PRDM16: variants seen among roughly 807,000 people sequenced by gnomAD.
PRDM16 encodes the protein histone-lysine N-methyltransferase PRDM16.
Under a neutral mutation model 110.6 loss-of-function variants are expected in PRDM16, and 23 were observed. The observed-to-expected ratio is 0.21, with a 90% CI of 0.15 to 0.29. PRDM16 has a LOEUF of 0.29. Among genes scored for constraint, PRDM16 ranks in the 10% least tolerant of loss-of-function variants. The pLI, the probability that PRDM16 is intolerant of heterozygous loss-of-function variation, is 1.00. For missense variants in PRDM16, 1,615 were observed against 1,794.3 expected (o/e 0.90, Z 1.81); for synonymous variants, 799 against 781.8 (o/e 1.02, Z -0.37).
At chr1:3,198,170 C>T (rs930537619) in intron 2 of PRDM16, among the ~76,000 whole-genome samples, 6 of 152,174 alleles carry the variant, frequency 3.9e-5, no homozygotes, top group South Asian at 4.1e-4. Flanking sequence ...GCACTCCATG[C>T]GTTCTCTGGA....
intron 3 of PRDM16, among the ~76,000 whole-genome samples, chr1:3,375,184 G>C (rs1052857097): frequency 3.3e-5 from 5 of 152,202 alleles, no homozygotes; most frequent in African/African-American, 1.2e-4. Context: ...GGGAGGGCCT[G>C]TGTGACTCAG....
intron 3 of PRDM16, among the ~76,000 whole-genome samples, chr1:3,288,892 C>T (rs1640913389): frequency 6.6e-6 from 1 of 152,200 alleles, no homozygotes; most frequent in Admixed American, 6.5e-5. Context: ...TCTCCTCCCA[C>T]ATTGACCAGT....
chr1:3,139,349 C>T (rs955710100), intron 1 of PRDM16, among the ~76,000 whole-genome samples: 1 of 152,222 alleles, frequency 6.6e-6, no homozygotes, highest in African/African-American at 2.4e-5. Context: ...TGGGGCTGCC[C>T]TTTGGGACCC....
At chr1:3,321,203 C>T (rs959781008) in intron 3 of PRDM16, among the ~76,000 whole-genome samples, 1 of 151,998 alleles carries the variant, frequency 6.6e-6, no homozygotes, top group African/African-American at 2.4e-5. Flanking sequence ...AACTTAACCC[C>T]GGGTGGGCTG....
At chr1:3,326,852 C>T (rs1641924075) in intron 3 of PRDM16, among the ~76,000 whole-genome samples, 1 of 152,182 alleles carries the variant, frequency 6.6e-6, no homozygotes, top group South Asian at 2.1e-4. Context: ...AAGGTGGGCT[C>T]CTGCCCCCAC....
At chr1:3,381,621 C>T (rs1411578421) in intron 3 of PRDM16, among the ~76,000 whole-genome samples, 1 of 152,100 alleles carries the variant, frequency 6.6e-6, no homozygotes, top group Non-Finnish European at 1.5e-5. Context: ...GAACTCCTGA[C>T]CTCAGGTGAT....
At chr1:3,268,954 G>A (rs532124273) in intron 3 of PRDM16, among the ~76,000 whole-genome samples, 38 of 152,242 alleles carry the variant, frequency 2.5e-4, no homozygotes, top group Non-Finnish European at 5.0e-4. Context: ...TGACCTGGGG[G>A]TCCTTCCAAA....
chr1:3,313,464 C>G (rs186175093), intron 3 of PRDM16, among the ~76,000 whole-genome samples: 9 of 152,068 alleles, frequency 5.9e-5, no homozygotes, highest in Non-Finnish European at 1.3e-4. Flanking sequence ...GGGCAGTGTC[C>G]GAGGCTCTGC....
At chr1:3,185,128 A>C (rs1644252850) in intron 1 of PRDM16, among the ~76,000 whole-genome samples, 1 of 152,050 alleles carries the variant, frequency 6.6e-6, no homozygotes, top group Admixed American at 6.5e-5. Flanking sequence ...CACTGGGTGG[A>C]GGGCTTTGCT....
chr1:3,275,671 G>A (rs574546329), intron 3 of PRDM16, among the ~76,000 whole-genome samples: 74 of 152,270 alleles, frequency 4.9e-4, no homozygotes, highest in African/African-American at 1.7e-3. Context: ...AACTCCATCC[G>A]GTCCCCTCCA....
intron 2 of PRDM16, among the ~76,000 whole-genome samples, chr1:3,200,197 A>AGGGCT (rs1557524040): frequency 4.6e-5 from 7 of 152,336 alleles, no homozygotes; most frequent in African/African-American, 1.7e-4. Context: ...CGCTGAGTCA[A>AGGGCT]GGGCCTGGGG....
At chr1:3,428,356 AG>A (rs1262519544) in intron 14 of PRDM16, among the ~76,000 whole-genome samples, 1 of 151,288 alleles carries the variant, frequency 6.6e-6, no homozygotes, top group Non-Finnish European at 1.5e-5. Flanking sequence ...GCTGTCTCTA[AG>A]AGAAAGAGAT....
chr1:3,135,029 C>T (rs1024081369), intron 1 of PRDM16, among the ~76,000 whole-genome samples: 2 of 152,084 alleles, frequency 1.3e-5, no homozygotes, highest in African/African-American at 4.8e-5. Flanking sequence ...TGCTGCTGCC[C>T]CCGGGTCAGG....
rs1246116343 is a variant in PRDM16 at position 3,435,294 on chromosome 1, G to C, written c.*1483G>C. ...CTCCTTAACAGTATTTTTGGCATTA[G>C]ACATTCTTATTGTGAAGAAATAATG... On this transcript the variant is annotated 3_prime_UTR_variant, in exon 17 of 17. Transcript: ENST00000270722. 1 of 224,670 alleles carries C rather than the reference G, an allele frequency of 4.5e-6. No homozygotes were observed. 13.9% of individuals were successfully genotyped at this position (224,670 alleles called of 1,614,324 possible).
intron 1 of PRDM16, among the ~76,000 whole-genome samples, chr1:3,078,907 G>C (rs941185113): frequency 5.3e-5 from 8 of 152,256 alleles, no homozygotes; most frequent in African/African-American, 2.4e-5. Context: ...AAAATGCCCA[G>C]ACATTTCTCT....
intron 1 of PRDM16, among the ~76,000 whole-genome samples, chr1:3,165,556 C>G (rs1173590740): frequency 1.7e-5 from 2 of 120,632 alleles, no homozygotes; most frequent in African/African-American, 8.0e-5. Flanking sequence ...GGGACAGGGA[C>G]TCACCAGGGC....
intron 1 of PRDM16, among the ~76,000 whole-genome samples, chr1:3,077,521 A>C (rs1343685607): frequency 1.3e-5 from 2 of 152,226 alleles, no homozygotes; most frequent in Non-Finnish European, 2.9e-5. Flanking sequence ...GGGTGTCTGC[A>C]CAGAAGGACC....
intron 1 of PRDM16, among the ~76,000 whole-genome samples, chr1:3,171,816 G>A (rs1023407401): frequency 6.6e-5 from 10 of 152,110 alleles, no homozygotes; most frequent in Admixed American, 1.3e-4. Flanking sequence ...GGTGACCCTC[G>A]TCTCTGTGGC....
At chr1:3,205,828 A>G (rs1638740923) in intron 2 of PRDM16, among the ~76,000 whole-genome samples, 1 of 152,056 alleles carries the variant, frequency 6.6e-6, no homozygotes, top group Non-Finnish European at 1.5e-5. Flanking sequence ...TTCAAGTTGC[A>G]TCCCCTGCCT....
Sources: allele counts gnomAD v4.1 joint callset (sites outside exome capture counted in the v4.1 genomes callset), GRCh38; gene constraint gnomAD v4.1.1; transcripts MANE v1.5; gene names NCBI Gene and HGNC (gene_info 2026-07-23, HGNC 2026-07-21).